DLGAP2: variants seen among roughly 807,000 people sequenced by gnomAD.
The protein encoded by DLGAP2 is DLG associated protein 2.
In DLGAP2, 26 loss-of-function variants were observed where a neutral mutation model predicts 100.3. That is an observed-to-expected ratio of 0.26 (90% CI 0.19 to 0.36). DLGAP2 has a LOEUF of 0.36. Ranked by LOEUF, DLGAP2 falls within the 10% of genes least tolerant of loss-of-function variation. The probability of loss-of-function intolerance (pLI) is 1.00; values close to 1 mark genes in which losing one functional copy is unlikely to be tolerated. For missense variants in DLGAP2, 1,858 were observed against 1,453.2 expected, an observed-to-expected ratio of 1.28 and a Z score of -4.53; for synonymous variants, 886 against 630.1, an observed-to-expected ratio of 1.41 and a Z score of -6.08.
At chr8:1,008,961 G>A (rs1043333532) in intron 2 of DLGAP2, among the ~76,000 whole-genome samples, 1 of 152,238 alleles carries the variant, frequency 6.6e-6, no homozygotes, top group African/African-American at 2.4e-5. Context: ...AGGCTCCTGG[G>A]TATGCAGAAT....
chr8:1,552,088 C>G (rs1046671762), intron 5 of DLGAP2, among the ~76,000 whole-genome samples: 2 of 152,116 alleles, frequency 1.3e-5, no homozygotes, highest in Non-Finnish European at 2.9e-5. Flanking sequence ...ACACTCTGGT[C>G]CTGTTGTTCT....
At chr8:1,525,812 C>T (rs1413431859) in intron 4 of DLGAP2, among the ~76,000 whole-genome samples, 9 of 152,088 alleles carry the variant, frequency 5.9e-5, no homozygotes, top group Admixed American at 1.3e-4. Flanking sequence ...TGGGTAGTGA[C>T]GGGACCTCAG....
At chr8:1,082,980 G>T (rs778514045) in intron 2 of DLGAP2, among the ~76,000 whole-genome samples, 2 of 152,112 alleles carry the variant, frequency 1.3e-5, no homozygotes, top group Non-Finnish European at 2.9e-5. Context: ...GTTAAAATAC[G>T]TGTCAAACTT....
At chr8:1,488,912 A>C (rs1202858036) in intron 3 of DLGAP2, among the ~76,000 whole-genome samples, 1 of 152,148 alleles carries the variant, frequency 6.6e-6, no homozygotes, top group Non-Finnish European at 1.5e-5. Context: ...AAGCAAATGC[A>C]GGCATGTCAT....
chr8:1,433,154 C>T (rs568007515), intron 3 of DLGAP2, among the ~76,000 whole-genome samples: 12 of 152,200 alleles, frequency 7.9e-5, no homozygotes, highest in Admixed American at 2.6e-4. Context: ...CGCCATGAGC[C>T]CAAAGCCCCT....
At chr8:896,254 G>C (rs1351255341) in intron 1 of DLGAP2, among the ~76,000 whole-genome samples, 1 of 151,402 alleles carries the variant, frequency 6.6e-6, no homozygotes, top group Non-Finnish European at 1.5e-5. Context: ...GTGGTGAGAG[G>C]TGTCAATCTC....
Position 1,550,237 on chromosome 8 carries a change from C to T in DLGAP2, c.1230+554C>T, listed in dbSNP as rs555163853. Among the ~76,000 whole-genome samples the T allele has an allele frequency of 3.9e-5, 6 of 152,254 alleles. No individual in the cohort carries two copies. The South Asian group carries it at 1.0e-3, about 26-fold the overall frequency. On this transcript the variant is annotated intron_variant, in intron 5 of 14. Coordinates refer to ENST00000637795, the MANE Select transcript of DLGAP2 (RefSeq NM_001346810.2). ...TGAGTAGTGTCCCCTGTGTATGTAC[C>T]GCATCTTCTTTATCCATCATTTGCC...
intron 2 of DLGAP2, among the ~76,000 whole-genome samples, chr8:1,066,382 A>G (rs1803251829): frequency 6.8e-6 from 1 of 146,362 alleles, no homozygotes. Flanking sequence ...GTTCCCCACC[A>G]GGATCAGGTC....
At position 1,103,361 on chromosome 8, in the gene DLGAP2, T is replaced by C. The variant is rs376041266; in HGVS notation, c.74-155490T>C. On this transcript the variant is annotated intron_variant, in intron 2 of 14. Transcript: ENST00000637795. ...CTGGCAGGGCCTTGGTTAACGGTGA[T>C]GACTGACGGGGACTTGGTTAACGGT... Among the ~76,000 whole-genome samples the C allele has an allele frequency of 1.7e-3, 259 of 151,748 alleles. 2 individuals carry two copies. Among genetic ancestry groups the C allele is most frequent in the South Asian group, 0.012 (56 of 4,778 alleles).
chr8:766,663 C>T (rs1449256223), intron 1 of DLGAP2, among the ~76,000 whole-genome samples: 5 of 152,238 alleles, frequency 3.3e-5, no homozygotes, highest in Non-Finnish European at 5.9e-5. Context: ...CAGTGGGCAC[C>T]GTGCAGTCTC....
Position 1,600,750 on chromosome 8 carries a change from G to A in DLGAP2, c.1443-25990G>A, listed in dbSNP as rs187845781. ...GGTAATTTATGTTCTTCTCTAAACT[G>A]GTTATTCTAGTTAGCAATTCCTGTA... On this transcript the variant is annotated intron_variant, in intron 6 of 14. Coordinates refer to ENST00000637795, the MANE Select transcript of DLGAP2 (RefSeq NM_001346810.2). Among the ~76,000 whole-genome samples the A allele has an allele frequency of 3.8e-3, 582 of 152,176 alleles. 1 individual carries two copies. The highest frequency in any genetic ancestry group is 0.013 in the African/African-American group (533 of 41,478).
chr8:963,250 G>A (rs1469495049), intron 2 of DLGAP2, among the ~76,000 whole-genome samples: 1 of 148,366 alleles, frequency 6.7e-6, no homozygotes, highest in African/African-American at 2.6e-5. Flanking sequence ...GACCCCATTT[G>A]GAAACAGTGT....
intron 2 of DLGAP2, among the ~76,000 whole-genome samples, chr8:1,141,866 G>C (rs116093297): frequency 0.031 from 4,647 of 151,980 alleles, 124 homozygotes; most frequent in East Asian, 0.15. Context: ...TGCTTTCTTT[G>C]TTTCTCTAAA....
chr8:1,295,549 G>A (rs1214495797), intron 3 of DLGAP2, among the ~76,000 whole-genome samples: 1 of 152,202 alleles, frequency 6.6e-6, no homozygotes, highest in Non-Finnish European at 1.5e-5. Context: ...GAAGTGGAAG[G>A]GGCTCTGGTC....
At chr8:1,492,025 G>C (rs1330458383) in intron 3 of DLGAP2, among the ~76,000 whole-genome samples, 2 of 152,218 alleles carry the variant, frequency 1.3e-5, no homozygotes, top group African/African-American at 4.8e-5. Flanking sequence ...CAGAGGCACT[G>C]ATTGTCATTC....
chr8:806,837 A>G (rs1585884850), intron 1 of DLGAP2, among the ~76,000 whole-genome samples: 1 of 152,240 alleles, frequency 6.6e-6, no homozygotes, highest in Non-Finnish European at 1.5e-5. Context: ...AACAGTATAT[A>G]AAAGAAGAAG....
At chr8:815,177 G>A (rs1796453887) in intron 1 of DLGAP2, among the ~76,000 whole-genome samples, 1 of 152,204 alleles carries the variant, frequency 6.6e-6, no homozygotes, top group Non-Finnish European at 1.5e-5. Context: ...ATTTCTCACA[G>A]TTCTGGAGGC....
At chr8:1,122,320 A>T (rs1796068085) in intron 2 of DLGAP2, among the ~76,000 whole-genome samples, 1 of 152,160 alleles carries the variant, frequency 6.6e-6, no homozygotes. Flanking sequence ...TCAGGACTGA[A>T]AGAACCTCTG....
chr8:1,590,693 T>C (rs114761587), intron 6 of DLGAP2, among the ~76,000 whole-genome samples: 26 of 152,334 alleles, frequency 1.7e-4, no homozygotes, highest in African/African-American at 6.3e-4. Flanking sequence ...TTCTAAGAAA[T>C]TGGTTGCTCA....
Sources: gnomAD v4.1 joint callset for allele counts (sites outside exome capture counted in the v4.1 genomes callset) on GRCh38, gnomAD v4.1.1 for gene constraint, MANE v1.5 for transcripts, NCBI Gene and HGNC (gene_info 2026-07-23, HGNC 2026-07-21) for gene names.